ABCA2: variants seen among roughly 807,000 people sequenced by gnomAD.
The protein encoded by ABCA2 is ATP-binding cassette sub-family A member 2.
A neutral mutation model predicts 262.8 loss-of-function variants in ABCA2; 84 were observed. The observed-to-expected ratio is 0.32, with a 90% confidence interval of 0.27 to 0.38. The LOEUF (loss-of-function observed/expected upper bound fraction) is 0.38, where lower values mean the gene tolerates loss of function less well. Among genes scored for constraint, ABCA2 ranks in the 10% least tolerant of loss-of-function variants. ABCA2 has a pLI of 1.00. For missense variants in ABCA2, 2,662 were observed against 3,405.9 expected, an observed-to-expected ratio of 0.78 and a Z score of 5.44; for synonymous variants, 1,696 against 1,502.9, an observed-to-expected ratio of 1.13 and a Z score of -2.97.
Position 137,020,842 on chromosome 9 carries a change from C to A in ABCA2, c.1117G>T (p.Ala373Ser). The A allele has an allele frequency of 6.5e-7, 1 of 1,548,974 alleles. No individual in the cohort carries two copies. Among genetic ancestry groups the A allele is most frequent in the Non-Finnish European group, 8.7e-7 (1 of 1,145,612 alleles). ...GCGTTGGGGCCCATGACTGCCCCTGCCCCAGTGCCATTGGCCGCCCCACCC... is the reference window on the plus strand; with the variant it reads ...GCGTTGGGGCCCATGACTGCCCCTGACCCAGTGCCATTGGCCGCCCCACCC... ...GAGGAANGTG[A>S]GAVMGPNATA... is the part of the protein sequence containing the mutation. The change falls in exon 9 of 49, where the codon GCA becomes TCA. Residue 373 changes from alanine (A) to serine (S), a missense_variant. Physicochemically the swap from Ala to Ser is moderately conservative, Grantham distance 99. This residue lies in a region of ABCA2 where 403 missense variants were observed against 375.9 expected (regional missense o/e 1.07). Transcript: ENST00000341511.
chr9:137,011,014 G>A lies in ABCA2; in HGVS notation c.6015C>T (p.Leu2005=). The change falls in exon 39 of 49, where the codon CTC becomes CTT. Residue 2005 remains leucine (L), a synonymous_variant. Coordinates refer to ENST00000341511, the MANE Select transcript of ABCA2 (RefSeq NM_001606.5). The surrounding 1 kb of genome is among the most constrained non-coding windows in gnomAD (Gnocchi z 8.8). The part of the protein sequence containing the change: ...AMAVEGVVGF[L]LTIMCQYNFL... ...AGTTGTACTGGCACATGATGGTCAG[G>A]AGGAAGCCCACGACGCCCTCAACCG... 6.2e-7 allele frequency: 1 copy of A among 1,609,136 alleles called. No homozygotes were observed. The highest frequency in any genetic ancestry group is 8.5e-7 in the Non-Finnish European group (1 of 1,178,844).
At position 137,018,367 on chromosome 9, in the gene ABCA2, TGGGGCGGGGCCAAGATGCA is replaced by T; in HGVS notation, c.1820-35_1820-17del. On this transcript the variant is annotated splice_polypyrimidine_tract_variant and intron_variant, in intron 13 of 48. Transcript: ENST00000341511. ...AAGATCACACCTGGGGCCGGGAGGT[TGGGGCGGGGCCAAGATGCA>T]GGGGCGGGACCAAGGCGTGGTGGGG... 3.3e-6 allele frequency: 3 copies of T among 921,584 alleles called. No homozygotes were observed. Among genetic ancestry groups the T allele is most frequent in the South Asian group, 4.8e-5 (2 of 41,842 alleles). 57.1% of individuals were successfully genotyped at this position (921,584 alleles called of 1,614,324 possible). A position where few individuals can be genotyped will look rare whatever the true frequency, so the allele number is the denominator to read the frequency against.
chr9:137,015,881 G>A lies in ABCA2; in HGVS notation c.3318-10C>T, dbSNP rs1339512251. On this transcript the variant is annotated splice_polypyrimidine_tract_variant and intron_variant, in intron 22 of 48. Coordinates refer to ENST00000341511, the MANE Select transcript of ABCA2 (RefSeq NM_001606.5). The stretch of plus-strand genomic sequence containing the variant: ...CAGGTCCTCGATCATCCTGGGACAG[G>A]GAGGTGGGGCATGGGGCTGCTGCTA... 2 of 1,608,214 alleles carry A rather than the reference G, an allele frequency of 1.2e-6. No individual in the cohort carries two copies. Among genetic ancestry groups the A allele is most frequent in the Non-Finnish European group, 8.5e-7 (1 of 1,176,502 alleles).
At position 137,018,884 on chromosome 9, in the gene ABCA2, C is replaced by G. The variant is rs549093323; in HGVS notation, c.1722+19G>C. 4 of 1,611,828 alleles carry G rather than the reference C, an allele frequency of 2.5e-6. No homozygotes were observed. The highest frequency in any genetic ancestry group is 2.5e-6 in the Non-Finnish European group (3 of 1,179,362). ...AGGCAGGGGGTGTCGTGGGTTGGCT[C>G]GGAGGCCCCACCGCTCACCTTGGAC... is the stretch of plus-strand genomic sequence containing the variant. On this transcript the variant is annotated intron_variant, in intron 12 of 48. Coordinates refer to ENST00000341511, the MANE Select transcript of ABCA2 (RefSeq NM_001606.5).
chr9:137,028,670 T>G, upstream of ABCA2: 1 of 1,167,564 alleles, frequency 8.6e-7, no homozygotes, highest in Non-Finnish European at 1.1e-6. The surrounding 1 kb of genome is among the most constrained non-coding windows in gnomAD (Gnocchi z 6.9). Flanking sequence ...CGTAAGGGTC[T>G]CCTGTGTGCT....
chr9:137,016,675 C>T lies in ABCA2; in HGVS notation c.2822G>A (p.Gly941Glu). 6.3e-7 allele frequency: 1 copy of T among 1,598,708 alleles called. No homozygotes were observed. Among genetic ancestry groups the T allele is most frequent in the Non-Finnish European group, 8.5e-7 (1 of 1,173,078 alleles). Residue 941 changes from glycine to glutamate, a missense_variant, in exon 20 of 49, where the codon GGG becomes GAG. Transcript: ENST00000341511. Reference protein sequence around the residue: ...PLQKSYWLGSGRTEAWEWSWP... With the variant: ...PLQKSYWLGSERTEAWEWSWP... ...GCTCCACTCCCAGGCTTCTGTCCGC[C>T]CACTGCCCAGCCAGTAGGACTTCTG...
chr9:137,023,141 G>A, intron 3 of ABCA2, 89 bp from the exon 4 acceptor site: 1 of 1,056,066 alleles, frequency 9.5e-7, no homozygotes, highest in South Asian at 1.4e-5. Context: ...CAGAGGCCGA[G>A]AGGAGAAATT....
In ABCA2 at chr9:137,021,994, T is replaced by G; in HGVS notation, c.575A>C (p.His192Pro). The G allele has an allele frequency of 1.7e-6, 2 of 1,180,350 alleles. No individual in the cohort carries two copies. Among genetic ancestry groups the G allele is most frequent in the African/African-American group, 2.5e-5 (1 of 40,730 alleles). 73.1% of individuals were successfully genotyped at this position (1,180,350 alleles called of 1,614,324 possible). A position where few individuals can be genotyped will look rare whatever the true frequency, so the allele number is the denominator to read the frequency against. ...GGCAGATGAGGGACCAAAGAGCAGG[T>G]GGTAGACCTAGGAGGTGTGGGGGAA... ...AARVDPPEVY[H>P]LLFGPSSALD... Residue 192 changes from histidine (H) to proline (P), a missense_variant, in exon 7 of 49, where the codon CAC becomes CCC. By Grantham distance (77) the His-to-Pro change is moderately conservative. Around this residue, in one of 12 missense-constraint regions of ABCA2, gnomAD observed 403 missense variants for 375.9 expected, o/e 1.07. Coordinates refer to ENST00000341511, the MANE Select transcript of ABCA2 (RefSeq NM_001606.5). This position sits in a 1 kb window ranked among gnomAD's most constrained non-coding sequence, Gnocchi z 6.0.
At chr9:137,028,685 A>C, upstream of ABCA2, 2 of 1,208,410 alleles carry the variant, frequency 1.7e-6, no homozygotes, top group Non-Finnish European at 2.1e-6. The surrounding 1 kb of genome is among the most constrained non-coding windows in gnomAD (Gnocchi z 6.9). Flanking sequence ...TGTGCTTTGT[A>C]AACCAGCACT....
chr9:137,011,415 G>T lies in ABCA2; in HGVS notation c.5791C>A (p.His1931Asn), dbSNP rs2131433553. Residue 1931 changes from histidine (H) to asparagine (N), a missense_variant, in exon 37 of 49, where the codon CAC becomes AAC. Transcript: ENST00000341511. The surrounding 1 kb of genome is among the most constrained non-coding windows in gnomAD (Gnocchi z 8.8). ...TGTCGTCACCGCCCCACCTTGTCGT[G>T]CTCGAAGAGCTGTAGCAGGAAGGTG... ...VATFLLQLFE[H>N]DKDLKVVNSY... 1.2e-6 allele frequency: 2 copies of T among 1,610,880 alleles called. No individual in the cohort carries two copies. The highest frequency in any genetic ancestry group is 1.7e-6 in the Non-Finnish European group (2 of 1,179,112).
At chr9:137,015,317 G>A in intron 24 of ABCA2, 97 bp downstream of exon 24, 3 of 1,398,970 alleles carry the variant, frequency 2.1e-6, no homozygotes, top group Non-Finnish European at 2.9e-6. Context: ...GGCCCAGCGG[G>A]TGACGGTGAG....
At position 137,020,983 on chromosome 9, in the gene ABCA2, C is replaced by A; in HGVS notation, c.976G>T (p.Asp326Tyr). The change falls in exon 9 of 49, where the codon GAC (aspartate) becomes TAC (tyrosine). Residue 326 changes from aspartate to tyrosine, a missense_variant. Physicochemically the swap from Asp to Tyr is radical, Grantham distance 160. Around this residue, in one of 12 missense-constraint regions of ABCA2, gnomAD observed 403 missense variants for 375.9 expected, o/e 1.07. Coordinates refer to ENST00000341511, the MANE Select transcript of ABCA2 (RefSeq NM_001606.5). ...PPRRLQALLG[D>Y]LLDAQKVLQD... ...AGAACCTTCTGGGCATCCAGCAGGT[C>A]CCCCAGAAGCGCCTGCAGCCTCCGT... 4 of 1,529,450 alleles carry A rather than the reference C, an allele frequency of 2.6e-6. No homozygotes were observed. The highest frequency in any genetic ancestry group is 2.4e-5 in the East Asian group (1 of 41,584). 94.7% of individuals were successfully genotyped at this position (1,529,450 alleles called of 1,614,324 possible). A position where few individuals can be genotyped will look rare whatever the true frequency, so the allele number is the denominator to read the frequency against.
At chr9:137,022,540 C>T (rs1831508338) in intron 5 of ABCA2, 62 bp from the exon 6 acceptor site, 14 of 1,581,400 alleles carry the variant, frequency 8.9e-6, no homozygotes, top group Admixed American at 3.6e-5. Context: ...CCCCCACATG[C>T]GCTCGGAGCC....
chr9:137,024,372 C>T (rs958019564), intron 1 of ABCA2, 136 bp from the exon 2 acceptor site: 29 of 668,310 alleles, frequency 4.3e-5, no homozygotes, highest in African/African-American at 4.2e-4. Flanking sequence ...ACAGGCCCTT[C>T]GGAACCACTG....
In ABCA2 at chr9:137,010,607, G is replaced by GAC; in HGVS notation, c.6174+12_6174+13insGT. On this transcript the variant is annotated intron_variant, in intron 40 of 48. Coordinates refer to ENST00000341511, the MANE Select transcript of ABCA2 (RefSeq NM_001606.5). ...ACCCCACCCAGGCCCCACCCTACAT[G>GAC]CCCAGAGCCCACCTTGGTCAGGTTC... is the stretch of plus-strand genomic sequence containing the variant. 1 of 651,534 alleles carries GAC rather than the reference G, an allele frequency of 1.5e-6. No individual in the cohort carries two copies. The highest frequency in any genetic ancestry group is 2.7e-6 in the Non-Finnish European group (1 of 368,274). The allele number at this position is 651,534 out of a possible 1,614,324, so 40.4% of individuals were successfully genotyped here.
At chr9:137,014,567 C>T (rs372412679) in intron 26 of ABCA2, 123 bp downstream of exon 26, 28 of 1,478,308 alleles carry the variant, frequency 1.9e-5, no homozygotes, top group Middle Eastern at 2.1e-4. Context: ...AACCCCGGGG[C>T]GTCCCCTGGC....
In ABCA2 at chr9:137,015,976, G is replaced by T. The variant is rs1368331202; in HGVS notation, c.3303C>A (p.Arg1101=). Residue 1101 remains arginine (R), a synonymous_variant, in exon 22 of 49, where the codon CGC becomes CGA. Transcript: ENST00000341511. ...RLKSMAQEEI[R]REMDKMIEDL... is the part of the protein sequence containing the mutation. ...AGCCCACCCACTTGTCCATCTCTCTGCGGATCTCCTCCTGAGCCATGCTCT... is the reference window on the plus strand; with the variant it reads ...AGCCCACCCACTTGTCCATCTCTCTTCGGATCTCCTCCTGAGCCATGCTCT... 5 of 1,562,270 alleles carry T rather than the reference G, an allele frequency of 3.2e-6. No homozygotes were observed. Among genetic ancestry groups the T allele is most frequent in the Non-Finnish European group, 4.3e-6 (5 of 1,155,370 alleles).
In ABCA2 at chr9:137,022,850, A is replaced by G; in HGVS notation, c.291T>C (p.Leu97=). The G allele has an allele frequency of 6.3e-7, 1 of 1,582,994 alleles. No homozygotes were observed. Among genetic ancestry groups the G allele is most frequent in the Non-Finnish European group, 8.6e-7 (1 of 1,165,096 alleles). ...CCTCCACCACGCGGTCCAGGCGCTC[A>G]AGCAGCTGCGTGACCCTGCACCATG... is the stretch of plus-strand genomic sequence containing the variant. The part of the protein sequence containing the change: ...QYANSTVTQL[L]ERLDRVVEEG... The change falls in exon 5 of 49, where the codon CTT becomes CTC. Residue 97 remains leucine (L), a synonymous_variant. Transcript: ENST00000341511.
At chr9:137,024,923 C>A (rs1424538300) in intron 1 of ABCA2, among the ~76,000 whole-genome samples, 3 of 152,052 alleles carry the variant, frequency 2.0e-5, no homozygotes, top group South Asian at 4.1e-4. Flanking sequence ...CTCAGCCTCT[C>A]GAGTAGCTGG....
Sources: allele counts gnomAD v4.1 joint callset (sites outside exome capture counted in the v4.1 genomes callset), GRCh38; gene constraint gnomAD v4.1.1; regional missense constraint gnomAD v4.1.1; non-coding constraint Gnocchi (gnomAD v3.1); transcripts MANE v1.5; gene names NCBI Gene and HGNC (gene_info 2026-07-23, HGNC 2026-07-21).